SLC25A37: variants seen among roughly 807,000 people sequenced by gnomAD.
SLC25A37 encodes solute carrier family 25 member 37, also known as mitoferrin-1.
A neutral mutation model predicts 31.0 loss-of-function variants in SLC25A37; 17 were observed. The observed-to-expected ratio is 0.55, with a 90% confidence interval of 0.38 to 0.82. SLC25A37 has a LOEUF of 0.82. Ranked by LOEUF, SLC25A37 falls within the 40% of genes least tolerant of loss-of-function variation. The pLI is 0.00. For missense variants in SLC25A37, 404 were observed against 465.8 expected, an observed-to-expected ratio of 0.87 and a Z score of 1.22; for synonymous variants, 222 against 193.0, an observed-to-expected ratio of 1.15 and a Z score of -1.24.
chr8:23,560,769 A>G (rs772123706), intron 1 of SLC25A37, among the ~76,000 whole-genome samples: 45 of 152,204 alleles, frequency 3.0e-4, no homozygotes, highest in Admixed American at 1.4e-3. Context: ...GCAGAACTCA[A>G]TCTTTTAGAG....
Position 23,529,826 on chromosome 8 carries a change from A to G in SLC25A37, c.210+614A>G, listed in dbSNP as rs1801628946. ...GGATCCCCTTTCTGAGGGTTCCTGC[A>G]CTTCTTCCCCCGACTTTGGGTCGCC... On this transcript the variant is annotated intron_variant, in intron 1 of 3. Transcript: ENST00000519973. The surrounding 1 kb of genome is among the most constrained non-coding windows in gnomAD (Gnocchi z 4.1). Among the ~76,000 whole-genome samples the G allele has an allele frequency of 3.9e-5, 6 of 151,906 alleles. No individual in the cohort carries two copies. The South Asian group carries it at 1.2e-3, about 32-fold the overall frequency.
chr8:23,546,533 A>ATATATATATATATATATATATATATAGTG (rs1802050762), intron 1 of SLC25A37, among the ~76,000 whole-genome samples: 1 of 16,134 alleles, frequency 6.2e-5, no homozygotes, highest in African/African-American at 4.1e-4. Flanking sequence ...ATATAGGTGT[A>ATATATATATATATATATATATATATAGTG]TATATATATA....
intron 1 of SLC25A37, among the ~76,000 whole-genome samples, chr8:23,548,434 T>C (rs916363971): frequency 9.3e-5 from 14 of 150,018 alleles, no homozygotes; most frequent in African/African-American, 3.5e-4. Context: ...CGCCTTGGCC[T>C]CCCAAAGTGC....
At chr8:23,566,757 T>C (rs531493330) in intron 2 of SLC25A37, 1 of 994,056 alleles carries the variant, frequency 1.0e-6, no homozygotes, top group Admixed American at 6.1e-5. Flanking sequence ...TTTGAGACTA[T>C]TTAAAAACTG....
intron 3 of SLC25A37, 41 bp downstream of exon 3, chr8:23,568,419 G>A (rs201903115): frequency 5.0e-6 from 8 of 1,611,442 alleles, no homozygotes; most frequent in Admixed American, 1.7e-5. Context: ...TAGGGGATGT[G>A]CAAAGGGGCA....
rs751352553 is a variant in SLC25A37, at chr8:23,566,211, G to A, written c.314G>A (p.Arg105Gln). The A allele has an allele frequency of 5.6e-6, 9 of 1,603,804 alleles. No individual in the cohort carries two copies. Among genetic ancestry groups the A allele is most frequent in the Non-Finnish European group, 7.6e-6 (9 of 1,176,530 alleles). The stretch of plus-strand genomic sequence containing the variant: ...ACCGAAGGCTTCTGGAGGCCCTTGC[G>A]AGGCGTCAACGTCATGATCATGGGT... Reference protein sequence around the residue: ...MRTEGFWRPLRGVNVMIMGAG... With the variant: ...MRTEGFWRPLQGVNVMIMGAG... Residue 105 changes from arginine to glutamine, a missense_variant, in exon 2 of 4, where the codon CGA becomes CAA. By Grantham distance (43) the Arg-to-Gln change is conservative. This residue lies in a region of SLC25A37 where 154 missense variants were observed against 153.6 expected (regional missense o/e 1.00). Coordinates refer to ENST00000519973, the MANE Select transcript of SLC25A37 (RefSeq NM_016612.4).
At chr8:23,546,595 ATAGTGTATG>A (rs1802069278) in intron 1 of SLC25A37, among the ~76,000 whole-genome samples, 2 of 61,448 alleles carry the variant, frequency 3.3e-5, no homozygotes, top group East Asian at 1.0e-3. Context: ...GTATATATAT[ATAGTGTATG>A]TGTGTGTGTG....
rs576681371 is a variant in SLC25A37, at chr8:23,553,677, C to T, written c.211-12431C>T. ...GGCTTTCGTCTGTCAAGATGCCCCT[C>T]TGTGACCTCAGCTGGTTAATGTCTC... is the stretch of plus-strand genomic sequence containing the variant. On this transcript the variant is annotated intron_variant, in intron 1 of 3. Coordinates refer to ENST00000519973, the MANE Select transcript of SLC25A37 (RefSeq NM_016612.4). Among the ~76,000 whole-genome samples the T allele has an allele frequency of 2.4e-4, 36 of 152,298 alleles. 1 individual carries two copies. The highest frequency in any genetic ancestry group is 8.7e-4 in the African/African-American group (36 of 41,578).
At position 23,564,206 on chromosome 8, in the gene SLC25A37, A is replaced by T. The variant is rs536804805; in HGVS notation, c.211-1902A>T. Among the ~76,000 whole-genome samples the T allele has an allele frequency of 1.6e-4, 24 of 152,020 alleles. 1 individual carries two copies. In the South Asian group the frequency reaches 5.0e-3, roughly 32 times the overall value. On this transcript the variant is annotated intron_variant, in intron 1 of 3. Coordinates refer to ENST00000519973, the MANE Select transcript of SLC25A37 (RefSeq NM_016612.4). ...GTGTGTCCATTTCCTTTGTGGTTTT[A>T]ATAGCTGGTGAAATCTGAACTATGA...
intron 1 of SLC25A37, among the ~76,000 whole-genome samples, chr8:23,542,433 A>C (rs951307795): frequency 5.2e-5 from 7 of 133,938 alleles, no homozygotes; most frequent in Non-Finnish European, 9.1e-5. Context: ...GGCTGGAGCG[A>C]AGTGGCGCGA....
intron 1 of SLC25A37, among the ~76,000 whole-genome samples, chr8:23,561,681 A>C (rs1464258952): frequency 1.3e-5 from 2 of 152,180 alleles, no homozygotes; most frequent in East Asian, 3.9e-4. Flanking sequence ...GTAATTCCCT[A>C]CTGCCCAGGC....
chr8:23,556,801 T>C (rs1432712426), intron 1 of SLC25A37, among the ~76,000 whole-genome samples: 1 of 152,164 alleles, frequency 6.6e-6, no homozygotes, highest in Non-Finnish European at 1.5e-5. Flanking sequence ...GCTGCTCTGC[T>C]CTTGCCTGCG....
At chr8:23,531,595 C>G (rs1035568252) in intron 1 of SLC25A37, 3 of 152,160 alleles carry the variant, frequency 2.0e-5, no homozygotes, top group Non-Finnish European at 2.9e-5. Flanking sequence ...AGAGAGAAAG[C>G]TTTCTCCAGT....
At chr8:23,548,517 A>G (rs569453793) in intron 1 of SLC25A37, among the ~76,000 whole-genome samples, 1 of 127,004 alleles carries the variant, frequency 7.9e-6, no homozygotes, top group African/African-American at 3.2e-5. Flanking sequence ...CCCCCCCAGG[A>G]TGGAGTGCAG....
chr8:23,568,398 G>A lies in SLC25A37; in HGVS notation c.496+20G>A. 2 of 1,613,948 alleles carry A rather than the reference G, an allele frequency of 1.2e-6. No individual in the cohort carries two copies. The highest frequency in any genetic ancestry group is 1.1e-5 in the South Asian group (1 of 91,082). The stretch of plus-strand genomic sequence containing the variant: ...CAGAAGGTAATGTTTCATGGTCCCA[G>A]GGAGGGGCAGTAGGGGATGTGCAAA... On this transcript the variant is annotated intron_variant, in intron 3 of 3. Coordinates refer to ENST00000519973, the MANE Select transcript of SLC25A37 (RefSeq NM_016612.4).
chr8:23,553,792 T>G (rs1353133289), intron 1 of SLC25A37, among the ~76,000 whole-genome samples: 1 of 152,184 alleles, frequency 6.6e-6, no homozygotes, highest in Non-Finnish European at 1.5e-5. Context: ...AACAGATAAG[T>G]TGTGTGACCT....
At chr8:23,561,303 CT>C (rs1802509631) in intron 1 of SLC25A37, among the ~76,000 whole-genome samples, 1 of 152,096 alleles carries the variant, frequency 6.6e-6, no homozygotes, top group African/African-American at 2.4e-5. Context: ...TGCTCTACCC[CT>C]AATTTAAAAA....
chr8:23,536,444 TC>T (rs1801770366), intron 1 of SLC25A37, among the ~76,000 whole-genome samples: 1 of 152,136 alleles, frequency 6.6e-6, no homozygotes, highest in African/African-American at 2.4e-5. Context: ...CTGCCTCTGT[TC>T]CTGCCAGGGG....
chr8:23,545,166 T>C (rs1039366930), intron 1 of SLC25A37, among the ~76,000 whole-genome samples: 2 of 152,166 alleles, frequency 1.3e-5, no homozygotes, highest in Admixed American at 6.5e-5. Context: ...GACTTGAGGA[T>C]GGTGTAGGCG....
Sources: allele counts gnomAD v4.1 joint callset (sites outside exome capture counted in the v4.1 genomes callset), GRCh38; gene constraint gnomAD v4.1.1; regional missense constraint gnomAD v4.1.1; non-coding constraint Gnocchi (gnomAD v3.1); transcripts MANE v1.5; gene names NCBI Gene and HGNC (gene_info 2026-07-23, HGNC 2026-07-21).